The following CLIC5 variants were observed in gnomAD, a reference collection of about 807,000 sequenced individuals.
CLIC5 encodes the protein CLIC family member 5, also known as chloride intracellular channel protein 5.
Under a neutral mutation model 24.7 loss-of-function variants are expected in CLIC5, and 20 were observed. That is an observed-to-expected ratio of 0.81 (90% CI 0.57 to 1.18). CLIC5 has a LOEUF of 1.18. Ranked by LOEUF, CLIC5 falls within the 50% of genes most tolerant of loss-of-function variation. CLIC5 has a pLI of 0.00. For synonymous variants in CLIC5, 159 were observed against 135.6 expected (o/e 1.17, Z -1.20); for missense variants, 341 against 326.1 (o/e 1.05, Z -0.35).
At chr6:45,921,957 G>A (rs369776260) in intron 4 of CLIC5, among the ~76,000 whole-genome samples, 13 of 152,162 alleles carry the variant, frequency 8.5e-5, no homozygotes, top group East Asian at 1.9e-4. Context: ...GGGCTCACAT[G>A]GGGGAGGCAA....
At chr6:45,894,751 T>A (rs1253144564), downstream of CLIC5, among the ~76,000 whole-genome samples, 1 of 152,234 alleles carries the variant, frequency 6.6e-6, no homozygotes, top group Non-Finnish European at 1.5e-5. Flanking sequence ...AAGGTGGGTC[T>A]TGAAAGGCAG....
At chr6:45,906,709 T>C (rs1289813761) in intron 5 of CLIC5, among the ~76,000 whole-genome samples, 1 of 152,064 alleles carries the variant, frequency 6.6e-6, no homozygotes, top group Non-Finnish European at 1.5e-5. Context: ...ATTACAGGCA[T>C]GCGCCACCAT....
chr6:46,000,492 A>G (rs992318082), intron 1 of CLIC5, among the ~76,000 whole-genome samples: 1 of 152,194 alleles, frequency 6.6e-6, no homozygotes, highest in Admixed American at 6.5e-5. Context: ...AGAGCCATGC[A>G]TGGATGGTCT....
intron 1 of CLIC5, 71 bp from the exon 2 acceptor site, chr6:45,955,315 C>G: frequency 9.1e-7 from 1 of 1,102,128 alleles, no homozygotes; most frequent in Non-Finnish European, 1.4e-6. Context: ...ATTGTAACAC[C>G]CAAATGCAGG....
chr6:46,102,676 T>C, the CLIC5 span: 1 of 152,668 alleles, frequency 6.6e-6, no homozygotes, highest in African/African-American at 2.4e-5. Context: ...ATTACAGATA[T>C]AGAAGAAAGG....
At chr6:45,957,810 G>A (rs1000813288) in intron 1 of CLIC5, among the ~76,000 whole-genome samples, 2 of 152,084 alleles carry the variant, frequency 1.3e-5, no homozygotes, top group African/African-American at 4.8e-5. Context: ...CTAAGAAATT[G>A]TTTGTTAAAC....
chr6:45,898,270 C>G (rs1276062553), downstream of CLIC5, among the ~76,000 whole-genome samples: 1 of 151,898 alleles, frequency 6.6e-6, no homozygotes, highest in African/African-American at 2.4e-5. Flanking sequence ...TGGTGACACC[C>G]CCATCTCTAC....
intron 1 of CLIC5, among the ~76,000 whole-genome samples, chr6:45,995,400 G>A (rs1766097007): frequency 6.6e-6 from 1 of 152,226 alleles, no homozygotes; most frequent in South Asian, 2.1e-4. Context: ...TCAGTGAGAA[G>A]CCTTCAATTT....
the CLIC5 span, among the ~76,000 whole-genome samples, chr6:46,112,783 G>A: frequency 3.9e-4 from 59 of 152,310 alleles, no homozygotes; most frequent in South Asian, 8.9e-3. Flanking sequence ...CAGGCTGGGC[G>A]CTGTGGCTGA....
Position 45,906,408 on chromosome 6 carries a change from C to G in CLIC5, c.589-3153G>C, listed in dbSNP as rs79339323. ...TTCCTTAAGTAGTGTTTTATAGCTC[C>G]CCTTGTAGAGATTTTAACTCCCTGG... On this transcript the variant is annotated intron_variant, in intron 5 of 5. Coordinates refer to ENST00000339561, the MANE Select transcript of CLIC5 (RefSeq NM_016929.5). Among the ~76,000 whole-genome samples, 970 of 152,038 alleles carry G rather than the reference C, an allele frequency of 6.4e-3. 75 individuals are homozygous for G. The East Asian group carries it at 0.16, about 25-fold the overall frequency.
chr6:45,911,806 C>T, intron 5 of CLIC5: 1 of 985,422 alleles, frequency 1.0e-6, no homozygotes, highest in Non-Finnish European at 1.2e-6. Flanking sequence ...GAAAGGCCTG[C>T]AGATGCCTCT....
chr6:45,923,779 T>C (rs58427559), intron 4 of CLIC5, among the ~76,000 whole-genome samples: 46,194 of 152,172 alleles, frequency 0.3, 7,198 homozygotes, highest in East Asian at 0.47. Flanking sequence ...AATTCAGCAC[T>C]ACATACATAT....
At chr6:45,949,112 G>A (rs1326882787) in intron 3 of CLIC5, 144 bp downstream of exon 3, 3 of 1,098,020 alleles carry the variant, frequency 2.7e-6, no homozygotes, top group East Asian at 2.7e-5. Flanking sequence ...GGGGTCCTAG[G>A]CTCTCTCTTT....
intron 1 of CLIC5, among the ~76,000 whole-genome samples, chr6:46,033,611 C>A (rs941893336): frequency 6.6e-6 from 1 of 152,190 alleles, no homozygotes; most frequent in African/African-American, 2.4e-5. Flanking sequence ...GGAAGACCTG[C>A]CAGCCCTTCC....
chr6:46,100,389 GC>G, the CLIC5 span, among the ~76,000 whole-genome samples: 1 of 152,212 alleles, frequency 6.6e-6, no homozygotes, highest in Non-Finnish European at 1.5e-5. Context: ...TATAGAATTT[GC>G]CCTTTGTTAT....
intron 4 of CLIC5, among the ~76,000 whole-genome samples, chr6:45,940,350 T>C (rs1259624717): frequency 6.6e-6 from 1 of 152,266 alleles, no homozygotes; most frequent in Admixed American, 6.5e-5. Context: ...CTGCCAGGCA[T>C]TGAAGACTGA....
Position 45,881,115 on chromosome 6 carries a change from C to A in CLIC5, c.697G>T (p.Glu233Ter). Residue 233 changes from glutamate (E) to a stop codon, truncating the protein, a stop_gained, in exon 7 of 7, where the codon GAA becomes TAA. Transcript: ENST00000644324. LOFTEE classifies it high-confidence loss of function. ...AAAGAATCCCATTTTTTTCTTCTTT[C>A]TCTAGCTTCTCCCCATTTCTTCTGC... 2.5e-6 allele frequency: 1 copy of A among 398,056 alleles called. No individual in the cohort carries two copies. Among genetic ancestry groups the A allele is most frequent in the African/African-American group, 2.1e-5 (1 of 48,606 alleles). The allele number at this position is 398,056 out of a possible 1,614,324, so 24.7% of individuals were successfully genotyped here.
chr6:46,063,886 T>C (rs1467671583), intron 1 of CLIC5, among the ~76,000 whole-genome samples: 1 of 152,216 alleles, frequency 6.6e-6, no homozygotes, highest in Non-Finnish European at 1.5e-5. Context: ...AAATTCATTC[T>C]ATGTCACTTA....
Position 45,901,741 on chromosome 6 carries a change from G to A in CLIC5, c.*1347C>T, listed in dbSNP as rs1421555602. ...GAAACTTAAGGAGAATGACAAAAGA[G>A]TGAAATATTAGCTTAAAAATTTTTC... is the stretch of plus-strand genomic sequence containing the variant. On this transcript the variant is annotated 3_prime_UTR_variant, in exon 6 of 6. Coordinates refer to ENST00000339561, the MANE Select transcript of CLIC5 (RefSeq NM_016929.5). The A allele has an allele frequency of 6.6e-6, 1 of 152,094 alleles. No homozygotes were observed. Among genetic ancestry groups the A allele is most frequent in the Non-Finnish European group, 1.5e-5 (1 of 68,008 alleles). The allele number at this position is 152,094 out of a possible 1,614,324, so 9.4% of individuals were successfully genotyped here.
Sources: allele counts gnomAD v4.1 joint callset (sites outside exome capture counted in the v4.1 genomes callset), GRCh38; gene constraint gnomAD v4.1.1; transcripts MANE v1.5; gene names NCBI Gene and HGNC (gene_info 2026-07-23, HGNC 2026-07-21).